The following ADAMTS9 variants were observed in gnomAD, a reference collection of about 807,000 sequenced individuals.
ADAMTS9 encodes the protein A disintegrin and metalloproteinase with thrombospondin motifs 9.
ADAMTS9 carries 107 observed loss-of-function variants against 257.1 expected under a neutral mutation model. That is an observed-to-expected ratio of 0.42 (90% confidence interval 0.36 to 0.49). ADAMTS9 has a LOEUF of 0.49. Among genes scored for constraint, ADAMTS9 ranks in the 20% least tolerant of loss-of-function variants. The probability of loss-of-function intolerance (pLI) is 0.03; values close to 1 mark genes in which losing one functional copy is unlikely to be tolerated. For missense variants in ADAMTS9, 2,353 were observed against 2,469.1 expected (o/e 0.95, Z 1.00); for synonymous variants, 982 against 880.9 (o/e 1.11, Z -2.03).
chr3:64,685,102 C>A (rs1576194293), intron 2 of ADAMTS9: 1 of 152,326 alleles, frequency 6.6e-6, no homozygotes, highest in Admixed American at 6.5e-5. Context: ...CCGCCCACCC[C>A]CAAACAATCT....
At chr3:64,629,131 A>G (rs1467144282) in intron 16 of ADAMTS9, among the ~76,000 whole-genome samples, 1 of 152,140 alleles carries the variant, frequency 6.6e-6, no homozygotes, top group Non-Finnish European at 1.5e-5. Flanking sequence ...ATCTAACTAC[A>G]TACTGCCACT....
At chr3:64,537,564 T>C (rs983162351) in intron 37 of ADAMTS9, among the ~76,000 whole-genome samples, 2 of 151,532 alleles carry the variant, frequency 1.3e-5, no homozygotes, top group Admixed American at 1.3e-4. Flanking sequence ...GCAATGCTCT[T>C]CTAAAGCTTG....
In ADAMTS9 at chr3:64,633,684, C is replaced by T. The variant is rs1044705022; in HGVS notation, c.2038+14G>A. On this transcript the variant is annotated intron_variant, in intron 13 of 39. Transcript: ENST00000498707. Reference sequence around the variant, plus strand: ...GGCCGGCCAACGGTGAACAGATACACCAGACACACTTACTTCCACTGTATT... The same window carrying T: ...GGCCGGCCAACGGTGAACAGATACATCAGACACACTTACTTCCACTGTATT... 6 of 1,613,572 alleles carry T rather than the reference C, an allele frequency of 3.7e-6. No homozygotes were observed. The African/African-American group carries it at 6.7e-5, about 18-fold the overall frequency.
intron 3 of ADAMTS9, among the ~76,000 whole-genome samples, chr3:64,665,114 TA>T (rs1202432823): frequency 2.0e-5 from 3 of 152,232 alleles, no homozygotes; most frequent in Admixed American, 6.5e-5. Context: ...TATATGCATC[TA>T]AATAAATTTA....
At chr3:64,640,877 A>T (rs965925914) in intron 12 of ADAMTS9, among the ~76,000 whole-genome samples, 3 of 152,096 alleles carry the variant, frequency 2.0e-5, no homozygotes, top group African/African-American at 7.2e-5. Context: ...CTGGGAAAAA[A>T]GTCCATGGAC....
chr3:64,547,040 C>G, intron 31 of ADAMTS9, 88 bp from the exon 32 acceptor site: 1 of 1,170,174 alleles, frequency 8.5e-7, no homozygotes, highest in Non-Finnish European at 1.2e-6. Context: ...CAAGCGCTGA[C>G]CGTGTGACTA....
In ADAMTS9 at chr3:64,672,400, G is replaced by A. The variant is rs150942546; in HGVS notation, c.679+8801C>T. 4.2e-3 allele frequency among the ~76,000 whole-genome samples: 645 copies of A among 152,270 alleles called. 5 individuals are homozygous for A. Among genetic ancestry groups the A allele is most frequent in the Non-Finnish European group, 6.8e-3 (462 of 68,026 alleles). Reference sequence around the variant, plus strand: ...CAGAAGCTTAATTAAAAAGTTTTAGGGGCCAAGTGTGGTGGCTCATGCCTG... The same window carrying A: ...CAGAAGCTTAATTAAAAAGTTTTAGAGGCCAAGTGTGGTGGCTCATGCCTG... On this transcript the variant is annotated intron_variant, in intron 3 of 39. Coordinates refer to ENST00000498707, the MANE Select transcript of ADAMTS9 (RefSeq NM_182920.2).
intron 3 of ADAMTS9, among the ~76,000 whole-genome samples, chr3:64,676,921 A>G (rs1221326968): frequency 6.6e-6 from 1 of 152,198 alleles, no homozygotes; most frequent in Non-Finnish European, 1.5e-5. Flanking sequence ...GCCCAGGCAA[A>G]CAAAACAGCC....
rs9815303 is a variant in ADAMTS9, at chr3:64,638,259, C to T, written c.1856+3589G>A. The stretch of plus-strand genomic sequence containing the variant: ...TTTTTGATGGACTGTAACAATTCTA[C>T]GTACCATTTTGTTTCAGCCACAAGG... On this transcript the variant is annotated intron_variant, in intron 12 of 39. Coordinates refer to ENST00000498707, the MANE Select transcript of ADAMTS9 (RefSeq NM_182920.2). Among the ~76,000 whole-genome samples the T allele has an allele frequency of 3.3e-3, 509 of 152,208 alleles. 1 individual carries two copies. The highest frequency in any genetic ancestry group is 0.012 in the African/African-American group (484 of 41,542).
intron 39 of ADAMTS9, among the ~76,000 whole-genome samples, chr3:64,517,871 G>A (rs1284862103): frequency 6.6e-6 from 1 of 151,962 alleles, no homozygotes; most frequent in African/African-American, 2.4e-5. Context: ...CCTCCTTTCT[G>A]ATAACAAAAT....
chr3:64,651,152 G>A lies in ADAMTS9; in HGVS notation c.1328C>T (p.Pro443Leu), dbSNP rs1390949008. 3 of 1,582,592 alleles carry A rather than the reference G, an allele frequency of 1.9e-6. No homozygotes were observed. The highest frequency in any genetic ancestry group is 1.2e-5 in the South Asian group (1 of 84,702). The change falls in exon 9 of 40, where the codon CCT becomes CTT. Residue 443 changes from proline (P) to leucine (L), a missense_variant. Pro to Leu is a moderately conservative substitution (Grantham distance 98). Around this residue, in one of 3 missense-constraint regions of ADAMTS9, gnomAD observed 591 missense variants for 569.6 expected, o/e 1.04. Transcript: ENST00000498707. ...AHELGHVFNM[P>L]HDDNNKCKEE... ...TTTACATTTGTTGTTGTCATCATGA[G>A]GCATGTTAAACCTAAAGCCAATGAG... is the stretch of plus-strand genomic sequence containing the variant.
chr3:64,676,184 C>T (rs559472158), intron 3 of ADAMTS9, among the ~76,000 whole-genome samples: 5 of 152,128 alleles, frequency 3.3e-5, no homozygotes, highest in Non-Finnish European at 5.9e-5. Context: ...ATTGAGACTG[C>T]CTCATTCCAA....
At chr3:64,556,272 A>C (rs904007922) in intron 30 of ADAMTS9, among the ~76,000 whole-genome samples, 1 of 152,164 alleles carries the variant, frequency 6.6e-6, no homozygotes, top group Non-Finnish European at 1.5e-5. Context: ...GAAGAAAATA[A>C]AACAGCTGTT....
intron 26 of ADAMTS9, among the ~76,000 whole-genome samples, chr3:64,599,845 C>A (rs538060893): frequency 1.3e-5 from 2 of 152,238 alleles, no homozygotes; most frequent in South Asian, 4.2e-4. Flanking sequence ...ATTGTCTATG[C>A]CTGCTTTTGT....
At chr3:64,671,076 A>T (rs1465697830) in intron 3 of ADAMTS9, among the ~76,000 whole-genome samples, 1 of 152,242 alleles carries the variant, frequency 6.6e-6, no homozygotes, top group Non-Finnish European at 1.5e-5. Flanking sequence ...ATGTTCACAC[A>T]AAAATCTGTA....
chr3:64,587,825 G>A (rs1035655460), intron 28 of ADAMTS9: 3 of 152,142 alleles, frequency 2.0e-5, no homozygotes, highest in African/African-American at 7.2e-5. Flanking sequence ...ACAGCAACAA[G>A]CAAAGAAGAT....
intron 28 of ADAMTS9, among the ~76,000 whole-genome samples, chr3:64,569,959 G>A (rs140745091): frequency 3.3e-5 from 5 of 152,100 alleles, no homozygotes; most frequent in Admixed American, 6.5e-5. Flanking sequence ...AAGACTTTGC[G>A]ATATAATTCT....
Position 64,541,892 on chromosome 3 carries a change from A to T in ADAMTS9, c.5143T>A (p.Cys1715Ser). 1 of 1,614,210 alleles carries T rather than the reference A, an allele frequency of 6.2e-7. No homozygotes were observed. The change falls in exon 33 of 40, where the codon TGC becomes AGC. Residue 1715 changes from cysteine to serine, a missense_variant. Cys to Ser is a moderately radical substitution (Grantham distance 112). This residue lies in a region of ADAMTS9 where 1,402 missense variants were observed against 1,441.4 expected (regional missense o/e 0.97). Coordinates refer to ENST00000498707, the MANE Select transcript of ADAMTS9 (RefSeq NM_182920.2). The part of the protein sequence containing the change: ...LTNEDQPSHL[C>S]HTDLKPEERK... Reference sequence around the variant, plus strand: ...TCTTCTGGCTTCAGATCAGTGTGGCATAAGTGGCTGGGTTGGTCCTCATTG... The same window carrying T: ...TCTTCTGGCTTCAGATCAGTGTGGCTTAAGTGGCTGGGTTGGTCCTCATTG...
At chr3:64,601,870 G>GT in intron 26 of ADAMTS9, 74 bp downstream of exon 26, 3 of 1,490,208 alleles carry the variant, frequency 2.0e-6, no homozygotes, top group Non-Finnish European at 1.8e-6. Flanking sequence ...TGCTCTAAAG[G>GT]TGTTTCTAGT....
Sources: gnomAD v4.1 joint callset for allele counts (sites outside exome capture counted in the v4.1 genomes callset) on GRCh38, gnomAD v4.1.1 for gene constraint, gnomAD v4.1.1 regional missense constraint, MANE v1.5 for transcripts, NCBI Gene and HGNC (gene_info 2026-07-23, HGNC 2026-07-21) for gene names.